The following CERS6 variants were observed in gnomAD, a reference collection of about 807,000 sequenced individuals.
The protein encoded by CERS6 is ceramide synthase 6.
A neutral mutation model predicts 56.8 loss-of-function variants in CERS6; 26 were observed. The ratio of observed to expected loss-of-function variants is 0.46; its 90% CI spans 0.34 to 0.63. The LOEUF is 0.63. CERS6 is among the 30% of genes least tolerant of loss of function. The probability of loss-of-function intolerance (pLI) is 0.01; values close to 1 mark genes in which losing one functional copy is unlikely to be tolerated. For missense variants in CERS6, 415 were observed against 467.5 expected (o/e 0.89, Z 1.04); for synonymous variants, 164 against 173.3 (o/e 0.95, Z 0.42).
intron 3 of CERS6, among the ~76,000 whole-genome samples, chr2:168,577,832 G>A (rs139625485): frequency 8.5e-4 from 129 of 152,318 alleles, no homozygotes; most frequent in Non-Finnish European, 1.7e-3. Flanking sequence ...TGGGGAGAAA[G>A]TGTGAAACAA....
At chr2:168,715,635 A>G (rs1687209507) in intron 7 of CERS6, among the ~76,000 whole-genome samples, 1 of 152,166 alleles carries the variant, frequency 6.6e-6, no homozygotes, top group African/African-American at 2.4e-5. Flanking sequence ...AGTATAAGGA[A>G]TATCTGTGGA....
chr2:168,741,535 TC>T (rs1683906654), intron 8 of CERS6, among the ~76,000 whole-genome samples: 1 of 152,098 alleles, frequency 6.6e-6, no homozygotes, highest in South Asian at 2.1e-4. Flanking sequence ...TTAAAAAAAA[TC>T]CCACAATGTT....
chr2:168,760,993 G>A (rs924369680), intron 8 of CERS6, among the ~76,000 whole-genome samples: 17 of 152,092 alleles, frequency 1.1e-4, no homozygotes, highest in East Asian at 3.9e-4. Flanking sequence ...TCCTGACCTC[G>A]TGATCCGCCC....
intron 1 of CERS6, among the ~76,000 whole-genome samples, chr2:168,543,866 G>A (rs1231193575): frequency 2.6e-5 from 4 of 152,332 alleles, no homozygotes; most frequent in East Asian, 1.9e-4. Context: ...TATTAAAGAA[G>A]TGGCTTCTTG....
rs555680021 is a variant in CERS6, at chr2:168,657,790, C to T, written c.465+26748C>T. Among the ~76,000 whole-genome samples the T allele has an allele frequency of 4.2e-3, 635 of 152,374 alleles. 2 individuals are homozygous for T. Among genetic ancestry groups the T allele is most frequent in the Middle Eastern group, 0.014 (4 of 294 alleles). On this transcript the variant is annotated intron_variant, in intron 4 of 9. Coordinates refer to ENST00000305747, the MANE Select transcript of CERS6 (RefSeq NM_203463.3). Reference sequence around the variant, plus strand: ...AACTCCAGCTGGCCCGCAAGCGCCGCACGCAGCCCCGGTTCCCGCTCGTGC... The same window carrying T: ...AACTCCAGCTGGCCCGCAAGCGCCGTACGCAGCCCCGGTTCCCGCTCGTGC...
intron 3 of CERS6, among the ~76,000 whole-genome samples, chr2:168,626,994 C>T (rs900815734): frequency 6.6e-6 from 1 of 152,046 alleles, no homozygotes; most frequent in African/African-American, 2.4e-5. Flanking sequence ...CCTCTTTTGC[C>T]CGTTTAGTGG....
At chr2:168,473,844 C>A (rs1481758332) in intron 1 of CERS6, among the ~76,000 whole-genome samples, 1 of 151,942 alleles carries the variant, frequency 6.6e-6, no homozygotes, top group Non-Finnish European at 1.5e-5. Context: ...CCTTTTGGAC[C>A]TTTTTCAATG....
intron 3 of CERS6, among the ~76,000 whole-genome samples, chr2:168,608,759 C>A (rs996833171): frequency 6.6e-6 from 1 of 152,110 alleles, no homozygotes; most frequent in Non-Finnish European, 1.5e-5. Context: ...TTATACAAAT[C>A]CTTTGTGGGT....
At chr2:168,513,795 C>T (rs775398285) in intron 1 of CERS6, among the ~76,000 whole-genome samples, 1 of 152,144 alleles carries the variant, frequency 6.6e-6, no homozygotes, top group Non-Finnish European at 1.5e-5. Context: ...GTCTCTTACT[C>T]TCTCTGTTTT....
intron 8 of CERS6, among the ~76,000 whole-genome samples, chr2:168,744,338 A>G (rs955295982): frequency 6.6e-6 from 1 of 151,346 alleles, no homozygotes; most frequent in Non-Finnish European, 1.5e-5. Flanking sequence ...ATCATTCTTT[A>G]TATGAACTAC....
chr2:168,649,701 G>C (rs1020706940), intron 4 of CERS6, among the ~76,000 whole-genome samples: 3 of 151,884 alleles, frequency 2.0e-5, no homozygotes, highest in African/African-American at 7.3e-5. Flanking sequence ...TCCTACCTTG[G>C]CTTACCCCTC....
At chr2:168,473,976 T>G (rs1372107595) in intron 1 of CERS6, among the ~76,000 whole-genome samples, 3 of 152,212 alleles carry the variant, frequency 2.0e-5, no homozygotes, top group Admixed American at 2.0e-4. Flanking sequence ...GAGGACTGTT[T>G]GAGGCTAGGA....
At position 168,527,118 on chromosome 2, in the gene CERS6, T is replaced by TGGAAGA. The variant is rs539149111; in HGVS notation, c.171-20471_171-20466dup. On this transcript the variant is annotated intron_variant, in intron 1 of 9. Coordinates refer to ENST00000305747, the MANE Select transcript of CERS6 (RefSeq NM_203463.3). ...AGGTTCTAGAGGGAGGCTGCTTGGC[T>TGGAAGA]GGAAGAGGAAGACTGGACATGCTTA... Among the ~76,000 whole-genome samples the TGGAAGA allele has an allele frequency of 3.7e-3, 562 of 152,350 alleles. 2 individuals carry two copies. Among genetic ancestry groups the TGGAAGA allele is most frequent in the African/African-American group, 0.013 (548 of 41,580 alleles).
intron 9 of CERS6, among the ~76,000 whole-genome samples, chr2:168,766,020 C>T (rs1168623439): frequency 6.6e-6 from 1 of 152,138 alleles, no homozygotes; most frequent in Non-Finnish European, 1.5e-5. Context: ...CAACCTTGGA[C>T]CTCCTCTGAT....
intron 3 of CERS6, among the ~76,000 whole-genome samples, chr2:168,603,620 C>T (rs1465316564): frequency 6.6e-6 from 1 of 152,232 alleles, no homozygotes; most frequent in African/African-American, 2.4e-5. Flanking sequence ...GCTCTTTTAA[C>T]ATCTTTCAGA....
intron 1 of CERS6, among the ~76,000 whole-genome samples, chr2:168,513,535 G>A (rs998386876): frequency 6.6e-6 from 1 of 152,064 alleles, no homozygotes; most frequent in Non-Finnish European, 1.5e-5. Flanking sequence ...TGATGTTTTC[G>A]AACCATGACT....
chr2:168,487,964 C>T (rs537071021), intron 1 of CERS6, among the ~76,000 whole-genome samples: 128 of 152,240 alleles, frequency 8.4e-4, no homozygotes, highest in South Asian at 2.7e-3. Context: ...AAGTGATCTT[C>T]CCACCTTGGC....
At chr2:168,617,196 G>A (rs1482308545) in intron 3 of CERS6, among the ~76,000 whole-genome samples, 1 of 152,000 alleles carries the variant, frequency 6.6e-6, no homozygotes, top group African/African-American at 2.4e-5. Flanking sequence ...GACAATAGTG[G>A]CTCAACCTGT....
In CERS6 at chr2:168,561,267, C is replaced by G. The variant is rs368138259; in HGVS notation, c.352C>G (p.Arg118Gly). The G allele has an allele frequency of 1.2e-6, 2 of 1,614,082 alleles. No homozygotes were observed. Among genetic ancestry groups the G allele is most frequent in the Admixed American group, 3.3e-5 (2 of 60,012 alleles). The change falls in exon 3 of 10, where the codon CGA (arginine) becomes GGA (glycine). Residue 118 changes from arginine (R) to glycine (G), a missense_variant. Coordinates refer to ENST00000305747, the MANE Select transcript of CERS6 (RefSeq NM_203463.3). ...TGTTCGAAGCATTCAGCGCTGGTTT[C>G]GACAAAGACGCAATCAGGAGAAGCC... Reference protein sequence around the residue: ...WDVRSIQRWFRQRRNQEKPST... With the variant: ...WDVRSIQRWFGQRRNQEKPST...
Sources: allele counts gnomAD v4.1 joint callset (sites outside exome capture counted in the v4.1 genomes callset), GRCh38; gene constraint gnomAD v4.1.1; transcripts MANE v1.5; gene names NCBI Gene and HGNC (gene_info 2026-07-23, HGNC 2026-07-21).